MCM9: variants seen among roughly 807,000 people sequenced by gnomAD.
MCM9 encodes the protein DNA helicase MCM9.
Under a neutral mutation model 72.8 loss-of-function variants are expected in MCM9, and 55 were observed. The ratio of observed to expected loss-of-function variants is 0.76; its 90% CI spans 0.61 to 0.95. The LOEUF (loss-of-function observed/expected upper bound fraction) is 0.95, where lower values mean the gene tolerates loss of function less well. Among genes scored for constraint, MCM9 ranks in the 40% least tolerant of loss-of-function variants. MCM9 has a pLI of 0.00. For synonymous variants in MCM9, 480 were observed against 503.4 expected, an observed-to-expected ratio of 0.95 and a Z score of 0.62; for missense variants, 1,279 against 1,377.0, an observed-to-expected ratio of 0.93 and a Z score of 1.13.
chr6:118,930,527 GAATT>G (rs1183316409), intron 3 of MCM9, among the ~76,000 whole-genome samples: 5 of 152,166 alleles, frequency 3.3e-5, no homozygotes, highest in Admixed American at 2.6e-4. Flanking sequence ...CATGTAAATA[GAATT>G]AATTTGTACC....
intron 3 of MCM9, among the ~76,000 whole-genome samples, chr6:118,929,716 T>C (rs1782223120): frequency 6.6e-6 from 1 of 152,138 alleles, no homozygotes. Flanking sequence ...CTCACATCTA[T>C]AATCCCAACA....
chr6:118,875,908 TA>T (rs1184647733), intron 8 of MCM9, among the ~76,000 whole-genome samples: 3 of 152,200 alleles, frequency 2.0e-5, no homozygotes, highest in Non-Finnish European at 2.9e-5. Flanking sequence ...TGGAAAGTTA[TA>T]TGCACATAAA....
At chr6:118,874,278 T>C (rs1324854796) in intron 8 of MCM9, among the ~76,000 whole-genome samples, 1 of 151,972 alleles carries the variant, frequency 6.6e-6, no homozygotes, top group African/African-American at 2.4e-5. Flanking sequence ...AAAAAATCAA[T>C]TAATATAATC....
At chr6:118,852,597 A>G (rs2114668537) in intron 9 of MCM9, among the ~76,000 whole-genome samples, 1 of 152,312 alleles carries the variant, frequency 6.6e-6, no homozygotes, top group East Asian at 1.9e-4. Flanking sequence ...CTTGCCACTC[A>G]TACACTGTTA....
intron 8 of MCM9, among the ~76,000 whole-genome samples, chr6:118,857,999 T>C (rs1252054485): frequency 6.6e-6 from 1 of 152,158 alleles, no homozygotes; most frequent in African/African-American, 2.4e-5. Context: ...ACTCATTTAA[T>C]GAACTCAGAA....
At chr6:118,917,529 A>T (rs776213634) in intron 6 of MCM9, 32 bp downstream of exon 6, 1 of 1,589,918 alleles carries the variant, frequency 6.3e-7, no homozygotes, top group Non-Finnish European at 8.6e-7. Context: ...AATACCATTA[A>T]TAATAATCAG....
At chr6:118,826,917 A>G (rs1774205786) in intron 11 of MCM9, 53 bp from the exon 12 acceptor site, 1 of 1,405,182 alleles carries the variant, frequency 7.1e-7, no homozygotes, top group Admixed American at 2.1e-5. Flanking sequence ...TGAGAAATGT[A>G]ATTCTCTAAC....
chr6:118,815,645 T>C lies in MCM9; in HGVS notation c.2611A>G (p.Thr871Ala). The C allele has an allele frequency of 6.5e-7, 1 of 1,550,374 alleles. No individual in the cohort carries two copies. Among genetic ancestry groups the C allele is most frequent in the South Asian group, 1.2e-5 (1 of 84,058 alleles). ...GTGGACTGAGGATGGGAAGGGACTG[T>C]GCACTGTGCAGGCACCCTGGTGCTA... ...RNSTRVPAQC[T>A]VPSHPQSTPV... is the part of the protein sequence containing the mutation. The change falls in exon 14 of 14, where the codon ACA becomes GCA. Residue 871 changes from threonine (T) to alanine (A), a missense_variant. Thr to Ala is a moderately conservative substitution (Grantham distance 58, BLOSUM62 0). Transcript: ENST00000619706.
chr6:118,858,647 C>T (rs559850870), intron 8 of MCM9, among the ~76,000 whole-genome samples: 5 of 152,132 alleles, frequency 3.3e-5, no homozygotes, highest in African/African-American at 9.6e-5. Context: ...AACTAGTAAA[C>T]GAGTGTGGCA....
intron 4 of MCM9, among the ~76,000 whole-genome samples, chr6:118,922,450 T>C (rs1164721855): frequency 1.3e-5 from 2 of 152,256 alleles, no homozygotes; most frequent in African/African-American, 2.4e-5. Flanking sequence ...CCAGTCCCTA[T>C]GATTACTCCT....
At chr6:118,892,309 A>AT in intron 8 of MCM9, among the ~76,000 whole-genome samples, 1 of 152,254 alleles carries the variant, frequency 6.6e-6, no homozygotes, top group Non-Finnish European at 1.5e-5. Context: ...TAAACAAAAA[A>AT]TTTTAAAGAA....
At chr6:118,913,772 T>G (rs1041994425) in intron 6 of MCM9, among the ~76,000 whole-genome samples, 6 of 151,852 alleles carry the variant, frequency 4.0e-5, no homozygotes, top group Non-Finnish European at 7.4e-5. Context: ...GCTAATGTTT[T>G]TTTTCTTTTT....
Position 118,918,058 on chromosome 6 carries a change from A to C in MCM9, c.704-297T>G, listed in dbSNP as rs142769955. 8.6e-4 allele frequency: 335 copies of C among 387,296 alleles called. 1 individual carries two copies. Among genetic ancestry groups the C allele is most frequent in the African/African-American group, 5.7e-3 (282 of 49,110 alleles). 24.0% of individuals were successfully genotyped at this position (387,296 alleles called of 1,614,324 possible). A position where few individuals can be genotyped will look rare whatever the true frequency, so the allele number is the denominator to read the frequency against. ...TTTCACTGGGAAAATAGTTTACTGG[A>C]TGATTCATTCATCACAGTTACATTG... On this transcript the variant is annotated intron_variant, in intron 5 of 13. Transcript: ENST00000619706.
In MCM9 at chr6:118,866,024, T is replaced by C. The variant is rs374777631; in HGVS notation, c.1151-9479A>G. 1.2e-4 allele frequency among the ~76,000 whole-genome samples: 19 copies of C among 152,280 alleles called. No homozygotes were observed. The East Asian group carries it at 1.4e-3, about 11-fold the overall frequency. ...AGCTTCACCATGAAGATGGAAGTAA[T>C]TGAAACACATAGCCAACACCCCAAT... On this transcript the variant is annotated intron_variant, in intron 8 of 13. Transcript: ENST00000619706.
intron 8 of MCM9, among the ~76,000 whole-genome samples, chr6:118,884,010 C>T (rs1489023688): frequency 6.6e-6 from 1 of 151,946 alleles, no homozygotes; most frequent in Admixed American, 6.5e-5. Context: ...ATTGTTGGGC[C>T]TATAACATAT....
chr6:118,817,295 C>T (rs1333949759), intron 13 of MCM9, among the ~76,000 whole-genome samples: 1 of 151,964 alleles, frequency 6.6e-6, no homozygotes, highest in East Asian at 1.9e-4. Flanking sequence ...CCTTGTACCC[C>T]ACCCCCCAAA....
At chr6:118,844,672 G>T (rs1775735623) in intron 9 of MCM9, among the ~76,000 whole-genome samples, 1 of 151,674 alleles carries the variant, frequency 6.6e-6, no homozygotes, top group Non-Finnish European at 1.5e-5. Flanking sequence ...CATCTCAATA[G>T]GTACAGAAGA....
chr6:118,855,521 C>T (rs1479454543), intron 9 of MCM9, among the ~76,000 whole-genome samples: 1 of 152,058 alleles, frequency 6.6e-6, no homozygotes, highest in East Asian at 1.9e-4. Context: ...CTCTCCCCCC[C>T]TCCCTCTACC....
rs1307214938 is a variant in MCM9 at position 118,926,585 on chromosome 6, C to T, written c.305-2458G>A. On this transcript the variant is annotated intron_variant, in intron 3 of 13. Transcript: ENST00000619706. ...TACTTAGAATAATGTTTTCAAGATT[C>T]ATTCCTGTTGTAACATATACAGTAC... 2.6e-5 allele frequency among the ~76,000 whole-genome samples: 4 copies of T among 152,198 alleles called. No homozygotes were observed. In the South Asian group the frequency reaches 6.2e-4, roughly 24 times the overall value.
Sources: gnomAD v4.1 joint callset for allele counts (sites outside exome capture counted in the v4.1 genomes callset) on GRCh38, gnomAD v4.1.1 for gene constraint, MANE v1.5 for transcripts, NCBI Gene and HGNC (gene_info 2026-07-23, HGNC 2026-07-21) for gene names.